RFX3: variants seen among roughly 807,000 people sequenced by gnomAD.
RFX3 encodes the protein transcription factor RFX3.
A neutral mutation model predicts 98.6 loss-of-function variants in RFX3; 14 were observed. The ratio of observed to expected loss-of-function variants is 0.14; its 90% CI spans 0.09 to 0.22. The LOEUF is 0.22. Ranked by LOEUF, RFX3 falls within the 10% of genes least tolerant of loss-of-function variation. The pLI is 1.00. For synonymous variants in RFX3, 383 were observed against 328.4 expected (o/e 1.17, Z -1.80); for missense variants, 639 against 926.9 (o/e 0.69, Z 4.03).
intron 10 of RFX3, 77 bp from the exon 11 acceptor site, chr9:3,270,602 A>G: frequency 7.1e-7 from 1 of 1,417,376 alleles, no homozygotes; most frequent in Non-Finnish European, 9.7e-7. Context: ...AAATAGTTTA[A>G]GTTTACCAAA....
chr9:3,417,577 T>C (rs1843087910), intron 1 of RFX3, among the ~76,000 whole-genome samples: 1 of 152,000 alleles, frequency 6.6e-6, no homozygotes, highest in African/African-American at 2.4e-5. Flanking sequence ...AACCCATGGG[T>C]CAAAGAATTA....
chr9:3,260,451 T>G (rs1822730012), intron 13 of RFX3, among the ~76,000 whole-genome samples: 1 of 151,968 alleles, frequency 6.6e-6, no homozygotes, highest in Non-Finnish European at 1.5e-5. Flanking sequence ...TACACAAATA[T>G]ATATATATGT....
At chr9:3,326,652 A>C (rs760795633) in intron 4 of RFX3, among the ~76,000 whole-genome samples, 116 of 152,306 alleles carry the variant, frequency 7.6e-4, no homozygotes, top group Non-Finnish European at 1.4e-3. Flanking sequence ...ATGTTCCTGC[A>C]AAGGACATGA....
At chr9:3,258,320 G>C (rs1388084441) in intron 13 of RFX3, among the ~76,000 whole-genome samples, 2 of 152,042 alleles carry the variant, frequency 1.3e-5, no homozygotes. Flanking sequence ...AGTGTCTATA[G>C]CTTCTTTTTC....
intron 3 of RFX3, among the ~76,000 whole-genome samples, chr9:3,342,625 G>C (rs3012716): frequency 0.017 from 2,612 of 151,972 alleles, 78 homozygotes; most frequent in African/African-American, 0.059. Context: ...AGTGGGGGAA[G>C]TATGAGTCAA....
intron 4 of RFX3, among the ~76,000 whole-genome samples, chr9:3,329,506 ACT>A (rs1832347107): frequency 6.6e-6 from 1 of 151,876 alleles, no homozygotes; most frequent in African/African-American, 2.4e-5. Context: ...CTCCTAAGAT[ACT>A]GTTTGCTCAT....
chr9:3,251,028 A>G (rs888807305), intron 14 of RFX3, among the ~76,000 whole-genome samples: 2 of 152,200 alleles, frequency 1.3e-5, no homozygotes, highest in Non-Finnish European at 2.9e-5. Context: ...GATAATCATA[A>G]CAGCATTTTT....
chr9:3,450,876 C>T (rs1343580237), intron 1 of RFX3, among the ~76,000 whole-genome samples: 11 of 152,100 alleles, frequency 7.2e-5, no homozygotes. Context: ...TTTAGTACTA[C>T]CTGGGAAAAT....
At chr9:3,453,744 A>C (rs1217470647) in intron 1 of RFX3, 3 of 152,988 alleles carry the variant, frequency 2.0e-5, no homozygotes, top group African/African-American at 7.2e-5. Flanking sequence ...AATTCTAATG[A>C]ACAATAAAGC....
intron 2 of RFX3, among the ~76,000 whole-genome samples, chr9:3,359,158 G>T (rs1836125800): frequency 1.3e-5 from 2 of 151,678 alleles, no homozygotes; most frequent in South Asian, 2.1e-4. Context: ...TTTGAGAAGG[G>T]ATTTTTTTCA....
In RFX3 at chr9:3,330,447, T is replaced by C. The variant is rs1241975229; in HGVS notation, c.286A>G (p.Thr96Ala). ...GTCACCTGGGCGGAACTCCCTTGAGTATCAAAGTAATTCCCTCCAGTATTT... is the reference window on the plus strand; with the variant it reads ...GTCACCTGGGCGGAACTCCCTTGAGCATCAAAGTAATTCCCTCCAGTATTT... ...SQNTGGNYFD[T>A]QGSSAQVTTV... The change falls in exon 4 of 17, where the codon ACT becomes GCT. Residue 96 changes from threonine (T) to alanine (A), a missense_variant. Physicochemically the swap from Thr to Ala is moderately conservative, Grantham distance 58 (BLOSUM62 0). This residue lies in a region of RFX3 where 210 missense variants were observed against 197.7 expected (regional missense o/e 1.06). Transcript: ENST00000617270. 2 of 1,613,972 alleles carry C rather than the reference T, an allele frequency of 1.2e-6. No individual in the cohort carries two copies. Among genetic ancestry groups the C allele is most frequent in the Admixed American group, 1.7e-5 (1 of 60,000 alleles).
chr9:3,335,182 A>G (rs1833025168), intron 3 of RFX3, among the ~76,000 whole-genome samples: 1 of 152,088 alleles, frequency 6.6e-6, no homozygotes. Flanking sequence ...AAAGGTAAGA[A>G]GGCAAGCATG....
At chr9:3,416,760 C>T (rs1206323549) in intron 1 of RFX3, among the ~76,000 whole-genome samples, 2 of 152,000 alleles carry the variant, frequency 1.3e-5, no homozygotes, top group Non-Finnish European at 1.5e-5. Flanking sequence ...CAATTAACAA[C>T]ATAAAATGGA....
chr9:3,355,545 T>G (rs1026193633), intron 2 of RFX3, among the ~76,000 whole-genome samples: 5 of 151,834 alleles, frequency 3.3e-5, no homozygotes, highest in Non-Finnish European at 5.9e-5. Flanking sequence ...TCAGAAGACA[T>G]GAAGCAAAAA....
intron 2 of RFX3, among the ~76,000 whole-genome samples, chr9:3,366,438 G>A (rs916822768): frequency 6.6e-6 from 1 of 152,070 alleles, no homozygotes; most frequent in African/African-American, 2.4e-5. Context: ...TAGTATAGAC[G>A]AAGCTTAACT....
chr9:3,224,912 A>G lies in RFX3; in HGVS notation c.*130T>C. 1.1e-6 allele frequency: 1 copy of G among 897,230 alleles called. No homozygotes were observed. Among genetic ancestry groups the G allele is most frequent in the Admixed American group, 2.4e-5 (1 of 40,870 alleles). The allele number at this position is 897,230 out of a possible 1,614,324, so 55.6% of individuals were successfully genotyped here. On this transcript the variant is annotated 3_prime_UTR_variant, in exon 17 of 17. Transcript: ENST00000617270. ...AATACATACACCCATTCCATTTCAC[A>G]ACTCCAAAAAGTTAATGTTCAGCAC...
chr9:3,419,582 C>T lies in RFX3; in HGVS notation c.-8-23986G>A, dbSNP rs183284355. On this transcript the variant is annotated intron_variant, in intron 1 of 16. Coordinates refer to ENST00000617270, the MANE Select transcript of RFX3 (RefSeq NM_001282116.2). ...TAAAGTATCAACTTATCCTGCTGTACTCTTCTGAGAACTAAGTGCATGATT... is the reference window on the plus strand; with the variant it reads ...TAAAGTATCAACTTATCCTGCTGTATTCTTCTGAGAACTAAGTGCATGATT... 1.1e-3 allele frequency among the ~76,000 whole-genome samples: 174 copies of T among 152,222 alleles called. 1 individual carries two copies. Among genetic ancestry groups the T allele is most frequent in the East Asian group, 1.2e-3 (6 of 5,172 alleles).
At chr9:3,337,666 T>C (rs1833350025) in intron 3 of RFX3, among the ~76,000 whole-genome samples, 2 of 152,314 alleles carry the variant, frequency 1.3e-5, no homozygotes, top group Non-Finnish European at 2.9e-5. Context: ...TACTGCACTA[T>C]CTCTGTGCTA....
intron 1 of RFX3, among the ~76,000 whole-genome samples, chr9:3,473,456 C>T (rs1453663745): frequency 1.3e-5 from 2 of 152,180 alleles, no homozygotes; most frequent in Non-Finnish European, 1.5e-5. Flanking sequence ...AACATGCGTA[C>T]TGAATTAGGG....
Sources: allele counts gnomAD v4.1 joint callset (sites outside exome capture counted in the v4.1 genomes callset), GRCh38; gene constraint gnomAD v4.1.1; regional missense constraint gnomAD v4.1.1; transcripts MANE v1.5; gene names NCBI Gene and HGNC (gene_info 2026-07-23, HGNC 2026-07-21).